Variants in ACADSB observed in about 807,000 individuals in gnomAD.
ACADSB encodes the protein short/branched chain specific acyl-CoA dehydrogenase, mitochondrial.
Under a neutral mutation model 54.1 loss-of-function variants are expected in ACADSB, and 40 were observed. The ratio of observed to expected loss-of-function variants is 0.74; its 90% CI spans 0.57 to 0.96. The LOEUF (loss-of-function observed/expected upper bound fraction) is 0.96. Among genes scored for constraint, ACADSB ranks in the 40% least tolerant of loss-of-function variants. The pLI is 0.00. For synonymous variants in ACADSB, 182 were observed against 182.8 expected (o/e 1.00, Z 0.03); for missense variants, 530 against 510.4 (o/e 1.04, Z -0.37).
chr10:123,029,230 C>G lies in ACADSB; in HGVS notation c.43-5126C>G, dbSNP rs967990270. On this transcript the variant is annotated intron_variant, in intron 1 of 10. Coordinates refer to ENST00000358776, the MANE Select transcript of ACADSB (RefSeq NM_001609.4). ...GGCATGGTGGCATATACCTGTAGAC[C>G]CAGCTACTTGGAGACTGAGGCACAA... Among the ~76,000 whole-genome samples, 6 of 152,040 alleles carry G rather than the reference C, an allele frequency of 3.9e-5. No homozygotes were observed. In the East Asian group the frequency reaches 9.7e-4, roughly 25 times the overall value.
chr10:123,027,747 A>G (rs1274201873), intron 1 of ACADSB, among the ~76,000 whole-genome samples: 1 of 152,208 alleles, frequency 6.6e-6, no homozygotes, highest in Non-Finnish European at 1.5e-5. Context: ...AGTGTCCACA[A>G]CTAGGGAGGA....
intron 1 of ACADSB, among the ~76,000 whole-genome samples, chr10:123,021,677 A>G (rs922319961): frequency 6.6e-6 from 1 of 152,204 alleles, no homozygotes; most frequent in Middle Eastern, 3.2e-3. Context: ...AAGATTTTTC[A>G]TTTGCCAATC....
intron 6 of ACADSB, among the ~76,000 whole-genome samples, 162 bp from the exon 7 acceptor site, chr10:123,044,231 C>T (rs1564752560): frequency 6.6e-6 from 1 of 152,166 alleles, no homozygotes; most frequent in Non-Finnish European, 1.5e-5. Context: ...TCCTTTTCCT[C>T]AGAGAGCTGT....
chr10:123,046,072 G>A (rs1036638844), intron 7 of ACADSB, among the ~76,000 whole-genome samples: 14 of 152,160 alleles, frequency 9.2e-5, no homozygotes, highest in Non-Finnish European at 1.6e-4. Context: ...TGTCAATATA[G>A]GGTATTATTT....
intron 1 of ACADSB, among the ~76,000 whole-genome samples, chr10:123,013,859 G>A (rs752495289): frequency 3.3e-5 from 5 of 152,168 alleles, no homozygotes; most frequent in Non-Finnish European, 4.4e-5. Flanking sequence ...GCGCCACGCA[G>A]CCCTGGTTCC....
At chr10:123,029,085 G>T (rs1181776643) in intron 1 of ACADSB, among the ~76,000 whole-genome samples, 4 of 151,540 alleles carry the variant, frequency 2.6e-5, no homozygotes, top group Non-Finnish European at 5.9e-5. Flanking sequence ...GGTGGCTCAT[G>T]CTTGTAATCC....
At chr10:123,032,050 G>A (rs1381564120) in intron 1 of ACADSB, among the ~76,000 whole-genome samples, 1 of 151,784 alleles carries the variant, frequency 6.6e-6, no homozygotes, top group Non-Finnish European at 1.5e-5. Context: ...TGTGATCTTG[G>A]CTCACTGCAA....
chr10:123,021,072 C>T (rs1469606039), intron 1 of ACADSB, among the ~76,000 whole-genome samples: 1 of 152,158 alleles, frequency 6.6e-6, no homozygotes, highest in Non-Finnish European at 1.5e-5. Context: ...CTGTCTTCTT[C>T]TTCTATTTGG....
chr10:123,022,387 A>G (rs1352702058), intron 1 of ACADSB, among the ~76,000 whole-genome samples: 2 of 152,224 alleles, frequency 1.3e-5, no homozygotes, highest in East Asian at 1.9e-4. Flanking sequence ...GAGCCACTGC[A>G]TTGGACAATC....
At chr10:123,040,418 C>T (rs757117295) in intron 3 of ACADSB, 48 bp from the exon 4 acceptor site, 43 of 1,475,146 alleles carry the variant, frequency 2.9e-5, no homozygotes, top group African/African-American at 7.0e-5. Context: ...GAAATTTCCC[C>T]ATATAAAAAT....
intron 3 of ACADSB, among the ~76,000 whole-genome samples, chr10:123,039,232 A>G (rs1031045370): frequency 6.6e-6 from 1 of 152,174 alleles, no homozygotes; most frequent in Non-Finnish European, 1.5e-5. Flanking sequence ...GCAAACCCAG[A>G]TCCTTCCGTT....
In ACADSB at chr10:123,052,926, G is replaced by C. The variant is rs1850651353; in HGVS notation, c.1129-135G>C. On this transcript the variant is annotated intron_variant, in intron 9 of 10. Transcript: ENST00000358776. The surrounding 1 kb of genome is among the most constrained non-coding windows in gnomAD (Gnocchi z 4.2). ...TGGAGAATGGGACTGAAGAGACAAT[G>C]CTAGTTTAGAAGATAACTTTAGTCC... 1.4e-6 allele frequency: 1 copy of C among 718,216 alleles called. No homozygotes were observed. The highest frequency in any genetic ancestry group is 2.7e-5 in the East Asian group (1 of 36,814). 44.5% of individuals were successfully genotyped at this position (718,216 alleles called of 1,614,324 possible).
chr10:123,037,037 G>T (rs374444975), intron 2 of ACADSB, among the ~76,000 whole-genome samples: 1 of 152,360 alleles, frequency 6.6e-6, no homozygotes, highest in South Asian at 2.1e-4. Flanking sequence ...GCGGTTTTCA[G>T]TGGGGGCAAG....
At chr10:123,030,958 A>G (rs1242068867) in intron 1 of ACADSB, among the ~76,000 whole-genome samples, 1 of 152,226 alleles carries the variant, frequency 6.6e-6, no homozygotes, top group Admixed American at 6.5e-5. Flanking sequence ...TTTTTCCCCA[A>G]AGACGCTAGA....
intron 1 of ACADSB, among the ~76,000 whole-genome samples, chr10:123,010,106 G>C (rs534214390): frequency 1.3e-5 from 2 of 152,256 alleles, no homozygotes; most frequent in South Asian, 4.2e-4. Flanking sequence ...TATAATTGTT[G>C]GTTAATAACT....
chr10:123,029,417 C>G (rs899484793), intron 1 of ACADSB, among the ~76,000 whole-genome samples: 1 of 151,974 alleles, frequency 6.6e-6, no homozygotes, highest in Admixed American at 6.6e-5. Flanking sequence ...CCACCCTCTC[C>G]TCAGATACAA....
At chr10:123,027,493 G>A (rs1357514119) in intron 1 of ACADSB, 3 of 454,518 alleles carry the variant, frequency 6.6e-6, no homozygotes, top group African/African-American at 6.0e-5. Context: ...GTTTATCAGG[G>A]TTTCCACTTT....
intron 1 of ACADSB, among the ~76,000 whole-genome samples, chr10:123,021,279 C>G (rs1850180721): frequency 6.6e-6 from 1 of 152,180 alleles, no homozygotes; most frequent in South Asian, 2.1e-4. Context: ...AGATGGGATT[C>G]TCATAATCCC....
At chr10:123,031,856 T>C (rs1481220861) in intron 1 of ACADSB, among the ~76,000 whole-genome samples, 1 of 152,234 alleles carries the variant, frequency 6.6e-6, no homozygotes, top group East Asian at 1.9e-4. Context: ...TTTTGAATGG[T>C]CCTATACTTT....
Sources: allele counts gnomAD v4.1 joint callset (sites outside exome capture counted in the v4.1 genomes callset), GRCh38; gene constraint gnomAD v4.1.1; non-coding constraint Gnocchi (gnomAD v3.1); transcripts MANE v1.5; gene names NCBI Gene and HGNC (gene_info 2026-07-23, HGNC 2026-07-21).